The following UBE2E2 variants were observed in gnomAD, a reference collection of about 807,000 sequenced individuals.
The protein encoded by UBE2E2 is ubiquitin conjugating enzyme E2 E2.
UBE2E2 carries 6 observed loss-of-function variants against 24.7 expected under a neutral mutation model. That is an observed-to-expected ratio of 0.24 (90% CI 0.13 to 0.48). The LOEUF (loss-of-function observed/expected upper bound fraction) is 0.48, where lower values mean the gene tolerates loss of function less well. UBE2E2 is among the 20% of genes least tolerant of loss of function. The pLI, the probability that UBE2E2 is intolerant of heterozygous loss-of-function variation, is 0.99. For missense variants in UBE2E2, 169 were observed against 245.0 expected, an observed-to-expected ratio of 0.69 and a Z score of 2.07; for synonymous variants, 104 against 83.6, an observed-to-expected ratio of 1.24 and a Z score of -1.33.
intron 3 of UBE2E2, among the ~76,000 whole-genome samples, chr3:23,334,342 C>G (rs1451472779): frequency 2.0e-5 from 3 of 151,628 alleles, no homozygotes; most frequent in African/African-American, 7.3e-5. Context: ...TTCAAGAAAT[C>G]TCTTTGTCTT....
intron 3 of UBE2E2, among the ~76,000 whole-genome samples, chr3:23,346,799 T>C (rs4858508): frequency 0.34 from 51,978 of 152,082 alleles, 10,576 homozygotes; most frequent in Admixed American, 0.52. Context: ...TTGTTGATTC[T>C]TTGTGATGTT....
At chr3:23,264,246 G>C (rs1697981364) in intron 3 of UBE2E2, among the ~76,000 whole-genome samples, 1 of 150,950 alleles carries the variant, frequency 6.6e-6, no homozygotes, top group Non-Finnish European at 1.5e-5. Flanking sequence ...TGTCCCAAGT[G>C]GAAGAGAAAG....
intron 3 of UBE2E2, among the ~76,000 whole-genome samples, chr3:23,220,692 G>A (rs750867917): frequency 1.3e-5 from 2 of 152,184 alleles, no homozygotes; most frequent in African/African-American, 4.8e-5. Flanking sequence ...CTGGGCAGTT[G>A]GTTAGAATTG....
chr3:23,462,225 A>G (rs1010065458), intron 3 of UBE2E2, among the ~76,000 whole-genome samples: 7 of 125,678 alleles, frequency 5.6e-5, no homozygotes, highest in Non-Finnish European at 1.6e-5. Context: ...TAAGATTCTT[A>G]TAGGAATATA....
intron 3 of UBE2E2, among the ~76,000 whole-genome samples, chr3:23,347,008 T>A (rs1695575071): frequency 6.6e-6 from 1 of 152,208 alleles, no homozygotes; most frequent in Non-Finnish European, 1.5e-5. Flanking sequence ...ATATACTATC[T>A]TCAGTGCTAT....
At chr3:23,375,696 G>A (rs1235026181) in intron 3 of UBE2E2, among the ~76,000 whole-genome samples, 1 of 152,098 alleles carries the variant, frequency 6.6e-6, no homozygotes, top group East Asian at 1.9e-4. Context: ...CCTTTTCTCT[G>A]CATGTTTCTA....
intron 3 of UBE2E2, among the ~76,000 whole-genome samples, chr3:23,313,139 ATTTC>A (rs1485837586): frequency 6.6e-6 from 1 of 151,768 alleles, no homozygotes; most frequent in Non-Finnish European, 1.5e-5. Flanking sequence ...TAAGTCTGAT[ATTTC>A]TTTGTTGATT....
intron 3 of UBE2E2, among the ~76,000 whole-genome samples, chr3:23,455,001 A>G (rs1405428889): frequency 6.6e-6 from 1 of 152,210 alleles, no homozygotes; most frequent in Non-Finnish European, 1.5e-5. Flanking sequence ...CCTAAGCAGA[A>G]TTCACTGGAT....
intron 3 of UBE2E2, among the ~76,000 whole-genome samples, chr3:23,409,065 G>C (rs975700967): frequency 6.6e-6 from 1 of 152,126 alleles, no homozygotes; most frequent in African/African-American, 2.4e-5. Flanking sequence ...AATTAAAGAG[G>C]ATGATTCTGA....
At chr3:23,424,239 T>C (rs1559379702) in intron 3 of UBE2E2, among the ~76,000 whole-genome samples, 2 of 152,110 alleles carry the variant, frequency 1.3e-5, no homozygotes, top group Non-Finnish European at 1.5e-5. Flanking sequence ...AAAGAAAAGC[T>C]ACATAATCTG....
intron 3 of UBE2E2, among the ~76,000 whole-genome samples, chr3:23,392,081 G>T (rs1487186078): frequency 6.6e-6 from 1 of 151,998 alleles, no homozygotes; most frequent in African/African-American, 2.4e-5. Context: ...CAAGTATTGG[G>T]TATTAGAAGA....
intron 3 of UBE2E2, among the ~76,000 whole-genome samples, chr3:23,478,881 T>A (rs1251082836): frequency 9.5e-6 from 1 of 104,852 alleles, no homozygotes; most frequent in East Asian, 2.7e-4. Context: ...TCTGTACAAA[T>A]ATATATATAT....
intron 3 of UBE2E2, among the ~76,000 whole-genome samples, chr3:23,340,371 T>C (rs945329350): frequency 3.3e-5 from 5 of 152,036 alleles, no homozygotes; most frequent in Non-Finnish European, 7.4e-5. Context: ...ATGCACTATA[T>C]TTTTTTCTTC....
chr3:23,203,431 G>A lies in UBE2E2; in HGVS notation c.-42G>A. On this transcript the variant is annotated 5_prime_UTR_variant, in exon 1 of 6. Coordinates refer to ENST00000396703, the MANE Select transcript of UBE2E2 (RefSeq NM_152653.4). ...CAGCTCTCTCCCAGGGCTTCGGCTCGAGCCTGCGACCTGCACGGACACCCC... is the reference window on the plus strand; with the variant it reads ...CAGCTCTCTCCCAGGGCTTCGGCTCAAGCCTGCGACCTGCACGGACACCCC... 1 of 979,666 alleles carries A rather than the reference G, an allele frequency of 1.0e-6. No individual in the cohort carries two copies. The highest frequency in any genetic ancestry group is 1.2e-6 in the Non-Finnish European group (1 of 828,624). 60.7% of individuals were successfully genotyped at this position (979,666 alleles called of 1,614,324 possible). A position where few individuals can be genotyped will look rare whatever the true frequency, so the allele number is the denominator to read the frequency against.
intron 3 of UBE2E2, among the ~76,000 whole-genome samples, chr3:23,294,348 T>A (rs1230602335): frequency 1.3e-5 from 2 of 152,110 alleles, no homozygotes; most frequent in Non-Finnish European, 2.9e-5. Context: ...ATCTTGTATA[T>A]ATGGTCAGTT....
At chr3:23,455,604 T>A (rs190389591) in intron 3 of UBE2E2, among the ~76,000 whole-genome samples, 1 of 152,042 alleles carries the variant, frequency 6.6e-6, no homozygotes, top group African/African-American at 2.4e-5. Flanking sequence ...AGGCGGAGGA[T>A]CACTTGAGCC....
intron 3 of UBE2E2, among the ~76,000 whole-genome samples, chr3:23,457,432 A>T (rs1698852545): frequency 6.6e-6 from 1 of 152,218 alleles, no homozygotes; most frequent in Admixed American, 6.5e-5. Context: ...CTGAAAATCT[A>T]GACTTAAATA....
At chr3:23,349,102 CAG>C (rs890588564) in intron 3 of UBE2E2, among the ~76,000 whole-genome samples, 3 of 152,156 alleles carry the variant, frequency 2.0e-5, no homozygotes, top group Non-Finnish European at 4.4e-5. Flanking sequence ...TTCTTGTGAA[CAG>C]AGAGATTGGA....
intron 3 of UBE2E2, among the ~76,000 whole-genome samples, chr3:23,246,763 A>G (rs1287277732): frequency 1.3e-5 from 2 of 152,130 alleles, no homozygotes; most frequent in Non-Finnish European, 2.9e-5. Flanking sequence ...CTATTGAAAA[A>G]CCACAGTGGA....
Sources: allele counts gnomAD v4.1 joint callset (sites outside exome capture counted in the v4.1 genomes callset), GRCh38; gene constraint gnomAD v4.1.1; transcripts MANE v1.5; gene names NCBI Gene and HGNC (gene_info 2026-07-23, HGNC 2026-07-21).